CHST15: variants seen among roughly 807,000 people sequenced by gnomAD.
CHST15 encodes the protein carbohydrate sulfotransferase 15.
A neutral mutation model predicts 53.6 loss-of-function variants in CHST15; 30 were observed. That is an observed-to-expected ratio of 0.56 (90% CI 0.42 to 0.76). The LOEUF is 0.76. CHST15 is among the 30% of genes least tolerant of loss of function. The probability of loss-of-function intolerance (pLI) is 0.00; values close to 1 mark genes in which losing one functional copy is unlikely to be tolerated. For missense variants in CHST15, 627 were observed against 740.5 expected (o/e 0.85, Z 1.78); for synonymous variants, 296 against 289.8 (o/e 1.02, Z -0.22).
At chr10:124,075,364 C>A (rs1949040447) in intron 1 of CHST15, among the ~76,000 whole-genome samples, 1 of 152,166 alleles carries the variant, frequency 6.6e-6, no homozygotes, top group African/African-American at 2.4e-5. Context: ...TCTCCCCAGC[C>A]AGGAGGTATA....
intron 4 of CHST15, among the ~76,000 whole-genome samples, chr10:124,039,601 A>G (rs528766883): frequency 5.3e-5 from 8 of 152,344 alleles, no homozygotes; most frequent in African/African-American, 1.9e-4. Context: ...GGTCCCAGCC[A>G]GTTTCACATT....
chr10:124,068,568 T>A (rs925698277), intron 1 of CHST15, among the ~76,000 whole-genome samples: 3 of 152,224 alleles, frequency 2.0e-5, no homozygotes, highest in Non-Finnish European at 2.9e-5. Flanking sequence ...CAGCGTCTCC[T>A]AGAGGGCTGG....
chr10:124,022,462 T>G lies in CHST15; in HGVS notation c.1191-1050A>C, dbSNP rs531388689. On this transcript the variant is annotated intron_variant, in intron 5 of 7. Coordinates refer to ENST00000435907, the MANE Select transcript of CHST15 (RefSeq NM_001270764.2). ...CGTTTCTGCCTATAAAGCCAGAACCTGGCTGGGCCCACAGGAGCACCTTCG... is the reference window on the plus strand; with the variant it reads ...CGTTTCTGCCTATAAAGCCAGAACCGGGCTGGGCCCACAGGAGCACCTTCG... 7.9e-5 allele frequency among the ~76,000 whole-genome samples: 12 copies of G among 152,350 alleles called. No individual in the cohort carries two copies. In the East Asian group the frequency reaches 1.7e-3, roughly 22 times the overall value.
intron 4 of CHST15, among the ~76,000 whole-genome samples, chr10:124,040,007 G>C (rs2133972910): frequency 6.6e-6 from 1 of 152,172 alleles, no homozygotes; most frequent in African/African-American, 2.4e-5. Flanking sequence ...CTCTGTTCTG[G>C]CCTTTTGTTC....
At chr10:124,057,090 T>C (rs1175595886) in intron 1 of CHST15, among the ~76,000 whole-genome samples, 1 of 152,264 alleles carries the variant, frequency 6.6e-6, no homozygotes, top group Non-Finnish European at 1.5e-5. Flanking sequence ...GGCAGGGAGC[T>C]ACTTGGTGTC....
intron 1 of CHST15, among the ~76,000 whole-genome samples, chr10:124,062,015 A>T (rs1233017056): frequency 8.0e-6 from 1 of 124,442 alleles, no homozygotes; most frequent in African/African-American, 4.1e-5. Context: ...AATCATTAAA[A>T]AAAAAAAAAA....
intron 1 of CHST15, among the ~76,000 whole-genome samples, chr10:124,055,688 G>A (rs1948353369): frequency 6.6e-6 from 1 of 152,148 alleles, no homozygotes; most frequent in Admixed American, 6.5e-5. Context: ...CAGCTGTGGG[G>A]AAAATTCTGG....
Position 124,045,977 on chromosome 10 carries a change from C to G in CHST15, c.236G>C (p.Arg79Pro). ...GGFLRFKKGK[R>P]CSLVFGLIIM... is the part of the protein sequence containing the mutation. ...TATCAGTCCAAAAACGAGGCTACAT[C>G]GCTTCCCCTTTTTGAAGCGCAAAAA... The change falls in exon 2 of 8, where the codon CGA becomes CCA. Residue 79 changes from arginine to proline, a missense_variant. Arg to Pro is a moderately radical substitution (Grantham distance 103). Coordinates refer to ENST00000435907, the MANE Select transcript of CHST15 (RefSeq NM_001270764.2). 5 of 1,614,084 alleles carry G rather than the reference C, an allele frequency of 3.1e-6. No homozygotes were observed. Among genetic ancestry groups the G allele is most frequent in the Non-Finnish European group, 4.2e-6 (5 of 1,180,030 alleles).
intron 5 of CHST15, 46 bp downstream of exon 5, chr10:124,038,469 A>G (rs746505681): frequency 2.5e-6 from 4 of 1,597,876 alleles, no homozygotes; most frequent in Admixed American, 1.7e-5. Flanking sequence ...CTGTTCTTCA[A>G]AAGTTCCTCT....
intron 7 of CHST15, chr10:124,011,073 G>C: frequency 1.0e-6 from 1 of 981,610 alleles, no homozygotes; most frequent in Non-Finnish European, 1.2e-6. Flanking sequence ...AAGGCCGGGA[G>C]GGGCTGTCAG....
At chr10:124,041,621 T>C (rs1459788224) in intron 4 of CHST15, among the ~76,000 whole-genome samples, 2 of 152,242 alleles carry the variant, frequency 1.3e-5, no homozygotes, top group South Asian at 2.1e-4. Flanking sequence ...ATCATTTCAC[T>C]GTCTCTATTT....
At chr10:124,091,743 G>A (rs942851043) in intron 1 of CHST15, among the ~76,000 whole-genome samples, 15 of 152,274 alleles carry the variant, frequency 9.9e-5, no homozygotes, top group African/African-American at 3.1e-4. Flanking sequence ...CGCGCACGCA[G>A]GCAGACGAAG....
chr10:124,050,231 G>T (rs1166138150), intron 1 of CHST15, among the ~76,000 whole-genome samples: 1 of 152,170 alleles, frequency 6.6e-6, no homozygotes, highest in Non-Finnish European at 1.5e-5. Context: ...CCCCTGACGG[G>T]CGCGAGTGGT....
chr10:124,039,727 C>T (rs1947664449), intron 4 of CHST15, among the ~76,000 whole-genome samples: 1 of 152,202 alleles, frequency 6.6e-6, no homozygotes, highest in African/African-American at 2.4e-5. Context: ...GAGGATGAAG[C>T]CAAATTTCCT....
At chr10:124,055,334 G>A (rs990299539) in intron 1 of CHST15, among the ~76,000 whole-genome samples, 2 of 152,028 alleles carry the variant, frequency 1.3e-5, no homozygotes, top group African/African-American at 4.8e-5. Context: ...TGCAGTTCAG[G>A]AGCCCACGTA....
chr10:124,023,000 C>T (rs1016208347), intron 5 of CHST15, among the ~76,000 whole-genome samples: 6 of 151,366 alleles, frequency 4.0e-5, no homozygotes, highest in Non-Finnish European at 7.4e-5. Context: ...TTGTATTTTT[C>T]GTAGAGATGG....
rs551549308 is a variant in CHST15, at chr10:124,076,184, T to C, written c.-513+17285A>G. On this transcript the variant is annotated intron_variant, in intron 1 of 7. Transcript: ENST00000435907. ...CACTGTGTGTCAATCTTTTCCATTT[T>C]ACAGTGAAAAATCACCAGGACTTGA... Among the ~76,000 whole-genome samples, 14 of 152,308 alleles carry C rather than the reference T, an allele frequency of 9.2e-5. No homozygotes were observed. The South Asian group carries it at 2.9e-3, about 32-fold the overall frequency.
At chr10:124,053,226 G>C (rs1006967905) in intron 1 of CHST15, among the ~76,000 whole-genome samples, 1 of 152,210 alleles carries the variant, frequency 6.6e-6, no homozygotes, top group Admixed American at 6.5e-5. Flanking sequence ...AGCTACAGGA[G>C]TGACGTATTT....
chr10:124,008,664 G>A lies in CHST15; in HGVS notation c.*1485C>T, dbSNP rs80221060. The A allele has an allele frequency of 4.5e-3, 4,677 of 1,041,780 alleles. 158 individuals are homozygous for A. In the African/African-American group the frequency reaches 0.071, roughly 16 times the overall value. 64.5% of individuals were successfully genotyped at this position (1,041,780 alleles called of 1,614,324 possible). A position where few individuals can be genotyped will look rare whatever the true frequency, so the allele number is the denominator to read the frequency against. On this transcript the variant is annotated 3_prime_UTR_variant, in exon 8 of 8. Coordinates refer to ENST00000435907, the MANE Select transcript of CHST15 (RefSeq NM_001270764.2). ...AACAACTGCAGATCCTCCTACCCCC[G>A]AAGCCTGGTCTGTCTCACACATACA...
Sources: allele counts gnomAD v4.1 joint callset (sites outside exome capture counted in the v4.1 genomes callset), GRCh38; gene constraint gnomAD v4.1.1; transcripts MANE v1.5; gene names NCBI Gene and HGNC (gene_info 2026-07-23, HGNC 2026-07-21).